Variants in TPRG1 observed in about 807,000 individuals in gnomAD.
The protein encoded by TPRG1 is tumor protein p63-regulated gene 1 protein.
A neutral mutation model predicts 29.3 loss-of-function variants in TPRG1; 29 were observed. That is an observed-to-expected ratio of 0.99 (90% CI 0.74 to 1.35). The LOEUF is 1.35. Ranked by LOEUF, TPRG1 falls within the 40% of genes most tolerant of loss-of-function variation. TPRG1 has a pLI of 0.00. For missense variants in TPRG1, 327 were observed against 335.0 expected, an observed-to-expected ratio of 0.98 and a Z score of 0.19; for synonymous variants, 130 against 116.8, an observed-to-expected ratio of 1.11 and a Z score of -0.73.
At chr3:189,260,613 A>G (rs1311845440) in intron 4 of TPRG1, among the ~76,000 whole-genome samples, 2 of 152,206 alleles carry the variant, frequency 1.3e-5, no homozygotes, top group East Asian at 3.8e-4. Flanking sequence ...CAGGCCAAGA[A>G]ATATCTCCCT....
chr3:189,296,353 T>C (rs768297000), intron 4 of TPRG1, among the ~76,000 whole-genome samples: 6 of 152,246 alleles, frequency 3.9e-5, no homozygotes, highest in Non-Finnish European at 7.3e-5. Context: ...TTATATTTGA[T>C]GGTGAATTTC....
intron 4 of TPRG1, among the ~76,000 whole-genome samples, chr3:189,262,733 A>G (rs1713346602): frequency 6.6e-6 from 1 of 152,214 alleles, no homozygotes; most frequent in South Asian, 2.1e-4. Context: ...GGTCAGGAAT[A>G]TGGATATGGC....
intron 4 of TPRG1, among the ~76,000 whole-genome samples, chr3:189,089,025 G>A (rs565527705): frequency 6.7e-6 from 1 of 149,932 alleles, no homozygotes; most frequent in East Asian, 1.9e-4. Flanking sequence ...TGTATCATCT[G>A]TCTATTAATA....
intron 3 of TPRG1, among the ~76,000 whole-genome samples, chr3:189,146,738 A>C (rs1376589864): frequency 6.6e-6 from 1 of 152,210 alleles, no homozygotes; most frequent in African/African-American, 2.4e-5. Flanking sequence ...AAATGCTAAT[A>C]AATAAAAAAG....
rs552917701 is a variant in TPRG1 at position 189,036,412 on chromosome 3, A to G, written c.-463+12466A>G. ...ACACATGTAAGAAACCTGCACATGT[A>G]CCCCATGAACCTAAAATAAAAATTA... On this transcript the variant is annotated intron_variant, in intron 4 of 10. Coordinates refer to the TPRG1 transcript ENST00000433971. Among the ~76,000 whole-genome samples, 8 of 152,132 alleles carry G rather than the reference A, an allele frequency of 5.3e-5. 1 individual carries two copies. Among genetic ancestry groups the G allele is most frequent in the Non-Finnish European group, 1.2e-4 (8 of 67,972 alleles).
chr3:189,250,605 C>T (rs894791368), intron 4 of TPRG1, among the ~76,000 whole-genome samples: 14 of 144,498 alleles, frequency 9.7e-5, no homozygotes, highest in African/African-American at 3.3e-4. Context: ...CCTTCTCAGG[C>T]ATTAAGTCAC....
At chr3:189,273,122 C>A (rs1219827485) in intron 4 of TPRG1, among the ~76,000 whole-genome samples, 3 of 152,246 alleles carry the variant, frequency 2.0e-5, no homozygotes, top group Admixed American at 6.5e-5. Context: ...CTAATCAGCT[C>A]CTCTTGAAGC....
chr3:189,272,705 CTT>C (rs1237981119), intron 4 of TPRG1, among the ~76,000 whole-genome samples: 13 of 136,486 alleles, frequency 9.5e-5, no homozygotes, highest in African/African-American at 2.7e-4. Flanking sequence ...CTCTTTCTTT[CTT>C]TCTTTCTCCT....
At chr3:189,227,549 A>G (rs1266716372) in intron 3 of TPRG1, among the ~76,000 whole-genome samples, 2 of 152,126 alleles carry the variant, frequency 1.3e-5, no homozygotes, top group Non-Finnish European at 2.9e-5. Context: ...TGTAGCCCTC[A>G]CTGTGAAGAA....
chr3:189,226,865 G>A (rs1737824512), intron 3 of TPRG1, among the ~76,000 whole-genome samples: 1 of 151,178 alleles, frequency 6.6e-6, no homozygotes, highest in African/African-American at 2.4e-5. Context: ...TGAAACAGGG[G>A]ATATCACAGC....
At chr3:189,301,951 A>G (rs1185951364) in intron 4 of TPRG1, among the ~76,000 whole-genome samples, 1 of 152,164 alleles carries the variant, frequency 6.6e-6, no homozygotes, top group Non-Finnish European at 1.5e-5. Flanking sequence ...CAATTTCTGT[A>G]GATTTCTTCT....
intron 3 of TPRG1, among the ~76,000 whole-genome samples, chr3:189,232,435 G>A (rs1738811085): frequency 6.6e-6 from 1 of 152,214 alleles, no homozygotes. Context: ...GATACATGGA[G>A]TAGCAAGCCC....
At chr3:189,310,276 C>A in intron 4 of TPRG1, 110 bp from the exon 5 acceptor site, 1 of 894,896 alleles carries the variant, frequency 1.1e-6, no homozygotes, top group Non-Finnish European at 1.6e-6. Flanking sequence ...ATCTTTTGAA[C>A]AGTTTAACTA....
intron 4 of TPRG1, among the ~76,000 whole-genome samples, chr3:189,033,431 GC>G (rs1230708208): frequency 6.6e-6 from 1 of 152,022 alleles, no homozygotes; most frequent in Non-Finnish European, 1.5e-5. Flanking sequence ...ACAGGTACGT[GC>G]CACCACGCCC....
chr3:189,282,739 C>T (rs576423106), intron 4 of TPRG1, among the ~76,000 whole-genome samples: 5 of 152,252 alleles, frequency 3.3e-5, no homozygotes, highest in African/African-American at 4.8e-5. Context: ...CTTTTCTTTT[C>T]GCATAAAACC....
chr3:189,167,629 G>A (rs7614005), upstream of TPRG1, among the ~76,000 whole-genome samples: 748 of 152,274 alleles, frequency 4.9e-3, 9 homozygotes, highest in African/African-American at 0.016. Context: ...CTACCTGCAG[G>A]CCTGTGTAAC....
At chr3:189,033,857 T>G (rs1209310025) in intron 4 of TPRG1, among the ~76,000 whole-genome samples, 1 of 152,146 alleles carries the variant, frequency 6.6e-6, no homozygotes, top group Non-Finnish European at 1.5e-5. Context: ...ATTACAGGCG[T>G]GAGCCACCGT....
chr3:189,033,267 T>A (rs1714041337), intron 4 of TPRG1, among the ~76,000 whole-genome samples: 1 of 151,008 alleles, frequency 6.6e-6, no homozygotes, highest in Admixed American at 6.6e-5. Flanking sequence ...CTACGCAGAG[T>A]CATTATTCCT....
chr3:189,168,044 C>T (rs188007323), upstream of TPRG1, among the ~76,000 whole-genome samples: 7 of 151,960 alleles, frequency 4.6e-5, no homozygotes, highest in East Asian at 7.7e-4. Flanking sequence ...TCTTTCATTG[C>T]GGATAAAATT....
Sources: gnomAD v4.1 joint callset for allele counts (sites outside exome capture counted in the v4.1 genomes callset) on GRCh38, gnomAD v4.1.1 for gene constraint, MANE v1.5 for transcripts, NCBI Gene and HGNC (gene_info 2026-07-23, HGNC 2026-07-21) for gene names.